Variants in RUNDC3B observed in about 807,000 individuals in gnomAD.
RUNDC3B encodes RUN domain-containing protein 3B.
A neutral mutation model predicts 58.4 loss-of-function variants in RUNDC3B; 33 were observed. That is an observed-to-expected ratio of 0.56 (90% CI 0.43 to 0.75). The LOEUF (loss-of-function observed/expected upper bound fraction) is 0.75, where lower values mean the gene tolerates loss of function less well. Among genes scored for constraint, RUNDC3B ranks in the 30% least tolerant of loss-of-function variants. RUNDC3B has a pLI of 0.00. For synonymous variants in RUNDC3B, 193 were observed against 195.2 expected (o/e 0.99, Z 0.10); for missense variants, 501 against 535.7 (o/e 0.94, Z 0.64).
intron 2 of RUNDC3B, among the ~76,000 whole-genome samples, chr7:87,661,465 A>T (rs533477403): frequency 6.6e-6 from 1 of 150,854 alleles, no homozygotes; most frequent in East Asian, 2.0e-4. Flanking sequence ...CTCTATCTCT[A>T]TAAGTTTAAC....
At chr7:87,698,904 C>G (rs189118585) in intron 2 of RUNDC3B, among the ~76,000 whole-genome samples, 1 of 152,214 alleles carries the variant, frequency 6.6e-6, no homozygotes, top group African/African-American at 2.4e-5. Flanking sequence ...TAGAAGTTAC[C>G]TATCATGACT....
At position 87,831,584 on chromosome 7, in the gene RUNDC3B, T is replaced by C. The variant is rs1470952719; in HGVS notation, c.*1554T>C. The C allele has an allele frequency of 2.0e-5, 3 of 151,952 alleles. No homozygotes were observed. The highest frequency in any genetic ancestry group is 4.4e-5 in the Non-Finnish European group (3 of 67,872). The allele number at this position is 151,952 out of a possible 1,614,324, so 9.4% of individuals were successfully genotyped here. On this transcript the variant is annotated 3_prime_UTR_variant, in exon 11 of 11. Coordinates refer to ENST00000394654, the MANE Select transcript of RUNDC3B (RefSeq NM_001134405.2). ...TCAATACTTGTAGAAATGCAAATAT[T>C]CTTGAGAAATGATACATTTTTTGTT...
rs559795405 is a variant in RUNDC3B, at chr7:87,646,369, A to C, written c.123-4453A>C. ...TGGAGAACATAGTGACTAAAATCTTATCAGACTGTTAAAGGTGGAAATTGA... is the reference window on the plus strand; with the variant it reads ...TGGAGAACATAGTGACTAAAATCTTCTCAGACTGTTAAAGGTGGAAATTGA... On this transcript the variant is annotated intron_variant, in intron 1 of 10. Transcript: ENST00000394654. Among the ~76,000 whole-genome samples, 9 of 152,322 alleles carry C rather than the reference A, an allele frequency of 5.9e-5. No homozygotes were observed. In the East Asian group the frequency reaches 1.7e-3, roughly 29 times the overall value.
chr7:87,778,816 G>T (rs963982613), intron 8 of RUNDC3B, among the ~76,000 whole-genome samples: 17 of 151,872 alleles, frequency 1.1e-4, no homozygotes, highest in African/African-American at 4.1e-4. Context: ...ATTTTGTCAG[G>T]CTTGCTGTGT....
intron 4 of RUNDC3B, among the ~76,000 whole-genome samples, chr7:87,717,713 T>C (rs1332397175): frequency 2.0e-5 from 3 of 152,066 alleles, no homozygotes; most frequent in African/African-American, 4.8e-5. Context: ...AAATCAATCA[T>C]TAAGCCCAGA....
chr7:87,812,384 G>A (rs762074317), intron 9 of RUNDC3B, among the ~76,000 whole-genome samples: 16 of 152,216 alleles, frequency 1.1e-4, no homozygotes, highest in South Asian at 8.3e-4. Context: ...CACAGCGGGC[G>A]GATCACTTGA....
intron 2 of RUNDC3B, among the ~76,000 whole-genome samples, chr7:87,660,103 A>T (rs1024439238): frequency 6.6e-6 from 1 of 152,104 alleles, no homozygotes; most frequent in Non-Finnish European, 1.5e-5. Flanking sequence ...AGGTTATCCT[A>T]GCCTCAAAAA....
At chr7:87,797,110 G>A (rs118095012) in intron 8 of RUNDC3B, among the ~76,000 whole-genome samples, 46 of 152,204 alleles carry the variant, frequency 3.0e-4, no homozygotes, top group Non-Finnish European at 4.9e-4. Flanking sequence ...TGACAGTAAC[G>A]GAAAAGTTTG....
intron 7 of RUNDC3B, among the ~76,000 whole-genome samples, chr7:87,776,018 A>G (rs961886284): frequency 6.6e-6 from 1 of 152,218 alleles, no homozygotes; most frequent in Non-Finnish European, 1.5e-5. Flanking sequence ...AATAGTTTTC[A>G]ATGAATTTAA....
chr7:87,649,429 T>C (rs1823352529), intron 1 of RUNDC3B, among the ~76,000 whole-genome samples: 1 of 152,146 alleles, frequency 6.6e-6, no homozygotes, highest in Non-Finnish European at 1.5e-5. Flanking sequence ...AAGATGAAGA[T>C]TGAAAACACA....
At chr7:87,785,587 C>T (rs1835169476) in intron 8 of RUNDC3B, among the ~76,000 whole-genome samples, 1 of 152,146 alleles carries the variant, frequency 6.6e-6, no homozygotes, top group Non-Finnish European at 1.5e-5. Flanking sequence ...CTCTGTGCAC[C>T]CTCTTACAGG....
intron 2 of RUNDC3B, among the ~76,000 whole-genome samples, chr7:87,675,164 A>T (rs1156783452): frequency 1.3e-5 from 2 of 152,290 alleles, no homozygotes; most frequent in East Asian, 3.9e-4. Flanking sequence ...CCCTGTGCTT[A>T]GCCTCCCCAT....
Position 87,628,624 on chromosome 7 carries a change from T to G in RUNDC3B, c.-200T>G, listed in dbSNP as rs1554445686. Reference sequence around the variant, plus strand: ...GTGTGTGTGTGTGTGTGTGTGTGTGTGGAGCTCGGGTGCCAAGGGCGAGCC... The same window carrying G: ...GTGTGTGTGTGTGTGTGTGTGTGTGGGGAGCTCGGGTGCCAAGGGCGAGCC... On this transcript the variant is annotated 5_prime_UTR_variant, in exon 1 of 11. Transcript: ENST00000394654. 3 of 316,238 alleles carry G rather than the reference T, an allele frequency of 9.5e-6. No individual in the cohort carries two copies. The allele number at this position is 316,238 out of a possible 1,614,324, so 19.6% of individuals were successfully genotyped here.
intron 2 of RUNDC3B, among the ~76,000 whole-genome samples, chr7:87,669,725 G>A (rs1310112616): frequency 2.6e-5 from 4 of 152,094 alleles, no homozygotes; most frequent in African/African-American, 9.7e-5. Flanking sequence ...TCCTTCACTT[G>A]GGAAGCTCAC....
At chr7:87,770,539 G>A in intron 6 of RUNDC3B, 42 bp from the exon 7 acceptor site, 2 of 1,499,506 alleles carry the variant, frequency 1.3e-6, no homozygotes, top group Non-Finnish European at 1.8e-6. Flanking sequence ...AATCAAGTTG[G>A]AACATATTTT....
At chr7:87,745,746 A>C (rs1438615649) in intron 6 of RUNDC3B, among the ~76,000 whole-genome samples, 3 of 151,718 alleles carry the variant, frequency 2.0e-5, no homozygotes, top group Non-Finnish European at 4.4e-5. Context: ...TATCTTTTCA[A>C]AGAACCAGCT....
intron 4 of RUNDC3B, among the ~76,000 whole-genome samples, chr7:87,714,449 A>G (rs1583977848): frequency 6.6e-6 from 1 of 152,336 alleles, no homozygotes; most frequent in East Asian, 1.9e-4. Context: ...TGTATATAGA[A>G]GTACAGTACA....
At position 87,804,889 on chromosome 7, in the gene RUNDC3B, T is replaced by G. The variant is rs371142188; in HGVS notation, c.957-2484T>G. Reference sequence around the variant, plus strand: ...GGCCAATTAAGAAAAATATCATTATTCTTCATATTAACATTAATTGGATTA... The same window carrying G: ...GGCCAATTAAGAAAAATATCATTATGCTTCATATTAACATTAATTGGATTA... On this transcript the variant is annotated intron_variant, in intron 8 of 10. Coordinates refer to ENST00000394654, the MANE Select transcript of RUNDC3B (RefSeq NM_001134405.2). Among the ~76,000 whole-genome samples the G allele has an allele frequency of 4.3e-4, 66 of 152,296 alleles. No homozygotes were observed. The East Asian group carries it at 6.0e-3, about 14-fold the overall frequency.
intron 4 of RUNDC3B, among the ~76,000 whole-genome samples, chr7:87,724,970 AAATT>A (rs1032309655): frequency 1.2e-4 from 19 of 152,240 alleles, no homozygotes; most frequent in Admixed American, 9.8e-4. Context: ...TTACAATAAT[AAATT>A]AATTTTCATA....
Sources: allele counts gnomAD v4.1 joint callset (sites outside exome capture counted in the v4.1 genomes callset), GRCh38; gene constraint gnomAD v4.1.1; transcripts MANE v1.5; gene names NCBI Gene and HGNC (gene_info 2026-07-23, HGNC 2026-07-21).